Variants in EXOSC10 observed in about 807,000 individuals in gnomAD.
EXOSC10 encodes the protein exosome component 10, also known as exosome complex component 10.
EXOSC10 carries 94 observed loss-of-function variants against 126.6 expected under a neutral mutation model. That is an observed-to-expected ratio of 0.74 (90% CI 0.63 to 0.88). The LOEUF is 0.88. EXOSC10 is among the 40% of genes least tolerant of loss of function. EXOSC10 has a pLI of 0.00. For missense variants in EXOSC10, 1,041 were observed against 1,100.5 expected, an observed-to-expected ratio of 0.95 and a Z score of 0.77; for synonymous variants, 395 against 400.8, an observed-to-expected ratio of 0.99 and a Z score of 0.17.
chr1:11,080,489 T>C lies in EXOSC10; in HGVS notation c.1637+10A>G, dbSNP rs374847359. 90 of 1,612,404 alleles carry C rather than the reference T, an allele frequency of 5.6e-5. No individual in the cohort carries two copies. Among genetic ancestry groups the C allele is most frequent in the Admixed American group, 2.0e-4 (12 of 59,744 alleles). On this transcript the variant is annotated intron_variant, in intron 13 of 24. Transcript: ENST00000376936. ...AAAGTCAGAACATATTAATCAGATTTGAAACTCACTTAGGCAGTTCTTCAG... is the reference window on the plus strand; with the variant it reads ...AAAGTCAGAACATATTAATCAGATTCGAAACTCACTTAGGCAGTTCTTCAG...
intron 9 of EXOSC10, among the ~76,000 whole-genome samples, chr1:11,084,081 T>A (rs1041561134): frequency 6.6e-6 from 1 of 152,234 alleles, no homozygotes; most frequent in Non-Finnish European, 1.5e-5. Flanking sequence ...AGTGCCGCAA[T>A]AAACATATGT....
chr1:11,070,765 A>C, intron 21 of EXOSC10, 135 bp downstream of exon 21: 2 of 742,438 alleles, frequency 2.7e-6, no homozygotes, highest in Non-Finnish European at 4.5e-6. Flanking sequence ...CTAATAGCCA[A>C]GCTAAGGTGA....
chr1:11,066,788 T>A (rs1406069378), intron 24 of EXOSC10, 40 bp from the exon 25 acceptor site: 1 of 1,609,474 alleles, frequency 6.2e-7, no homozygotes, highest in Non-Finnish European at 8.5e-7. Flanking sequence ...TCTTCCGGGC[T>A]GGTTGGATGT....
chr1:11,097,018 C>T lies in EXOSC10; in HGVS notation c.248+1002G>A, dbSNP rs149474723. 7.9e-3 allele frequency among the ~76,000 whole-genome samples: 1,205 copies of T among 152,162 alleles called. 19 individuals carry two copies. Among genetic ancestry groups the T allele is most frequent in the African/African-American group, 0.027 (1,114 of 41,520 alleles). On this transcript the variant is annotated intron_variant, in intron 2 of 24. Transcript: ENST00000376936. ...CACAAGGTCAGGAGTTCGAGACCAG[C>T]CTGGCCAACATGGTGAAACCTCCTC...
intron 9 of EXOSC10, among the ~76,000 whole-genome samples, chr1:11,083,463 G>A (rs1217373209): frequency 1.3e-5 from 2 of 150,594 alleles, no homozygotes; most frequent in Non-Finnish European, 2.9e-5. Flanking sequence ...TTGGGAGGCC[G>A]AGGCAGGAGA....
At chr1:11,074,153 C>T (rs1349291258) in intron 18 of EXOSC10, 78 bp downstream of exon 18, 1 of 1,430,322 alleles carries the variant, frequency 7.0e-7, no homozygotes, top group Non-Finnish European at 9.9e-7. Context: ...GCTTCAGAGG[C>T]TTCCTTCCCA....
chr1:11,069,826 A>C, intron 21 of EXOSC10, 96 bp from the exon 22 acceptor site: 1 of 1,309,630 alleles, frequency 7.6e-7, no homozygotes, highest in South Asian at 1.4e-5. Flanking sequence ...CAGCTGCCTA[A>C]GTGGTAAGAA....
At chr1:11,094,811 G>A (rs1640985018) in intron 3 of EXOSC10, among the ~76,000 whole-genome samples, 1 of 152,018 alleles carries the variant, frequency 6.6e-6, no homozygotes, top group Non-Finnish European at 1.5e-5. Context: ...ATGTTGGCCA[G>A]ACTGGTCTTG....
intron 5 of EXOSC10, 41 bp from the exon 6 acceptor site, chr1:11,090,709 C>A: frequency 7.0e-7 from 1 of 1,422,170 alleles, no homozygotes; most frequent in South Asian, 1.2e-5. Context: ...TTAGCACATT[C>A]ATGTCTTTTC....
intron 3 of EXOSC10, among the ~76,000 whole-genome samples, chr1:11,092,832 C>T (rs1640879720): frequency 1.3e-5 from 2 of 152,136 alleles, no homozygotes; most frequent in African/African-American, 2.4e-5. Context: ...ACCTGTTTTT[C>T]ACTTTCAGAA....
At chr1:11,095,573 G>C in intron 3 of EXOSC10, 185 bp downstream of exon 3, 1 of 451,726 alleles carries the variant, frequency 2.2e-6, no homozygotes, top group African/African-American at 2.0e-5. Flanking sequence ...AATTAGCCAG[G>C]TGTGGTGGCG....
intron 4 of EXOSC10, 74 bp from the exon 5 acceptor site, chr1:11,091,253 C>A: frequency 7.1e-7 from 1 of 1,414,454 alleles, no homozygotes; most frequent in Non-Finnish European, 9.7e-7. Flanking sequence ...CAATTTATGA[C>A]TTCTGAGGAG....
chr1:11,067,315 C>T (rs1170443440), intron 24 of EXOSC10, among the ~76,000 whole-genome samples: 1 of 152,090 alleles, frequency 6.6e-6, no homozygotes, highest in African/African-American at 2.4e-5. Context: ...GCCTGTGGTC[C>T]CAGCTACTCG....
Position 11,099,725 on chromosome 1 carries a change from A to G in EXOSC10, c.107T>C (p.Val36Ala), listed in dbSNP as rs1261682434. Residue 36 changes from valine (V) to alanine (A), a missense_variant, in exon 1 of 25, where the codon GTG becomes GCG. By Grantham distance (64) the Val-to-Ala change is moderately conservative (BLOSUM62 0). Coordinates refer to ENST00000376936, the MANE Select transcript of EXOSC10 (RefSeq NM_001001998.3). ...CCCGAGGCCCCGCGAACTCACCTTC[A>G]CAAAGCTGTCGGCGTCCGGGAAGCC... ...LPGFPDADSF[V>A]KFALGSVVAV... The G allele has an allele frequency of 6.2e-7, 1 of 1,607,692 alleles. No individual in the cohort carries two copies. Among genetic ancestry groups the G allele is most frequent in the Non-Finnish European group, 8.5e-7 (1 of 1,177,304 alleles).
rs755356177 is a variant in EXOSC10, at chr1:11,069,692, G to A, written c.2355C>T (p.Ser785=). ...GTTTCTGTTCTGTGGTCCTTGGGTCGCTTGTTGCTCGCTCTCTCTTCTTTG... is the reference window on the plus strand; with the variant it reads ...GTTTCTGTTCTGTGGTCCTTGGGTCACTTGTTGCTCGCTCTCTCTTCTTTG... ...NAAKKRERAT[S]DPRTTEQKQE... is the part of the protein sequence containing the mutation. Residue 785 remains serine, a synonymous_variant, in exon 22 of 25, where the codon AGC becomes AGT. Coordinates refer to ENST00000376936, the MANE Select transcript of EXOSC10 (RefSeq NM_001001998.3). The A allele has an allele frequency of 4.3e-6, 7 of 1,613,982 alleles. No individual in the cohort carries two copies. The highest frequency in any genetic ancestry group is 3.4e-6 in the Non-Finnish European group (4 of 1,180,004).
intron 23 of EXOSC10, among the ~76,000 whole-genome samples, chr1:11,068,287 T>C (rs1443110003): frequency 6.6e-6 from 1 of 152,150 alleles, no homozygotes; most frequent in Admixed American, 6.5e-5. Flanking sequence ...AAAGCAGCCC[T>C]GCCCCCGCGC....
rs750325040 is a variant in EXOSC10 at position 11,074,196 on chromosome 1, C to T, written c.2082+35G>A. The T allele has an allele frequency of 8.5e-6, 13 of 1,530,558 alleles. No individual in the cohort carries two copies. The African/African-American group carries it at 1.2e-4, about 14-fold the overall frequency. 94.8% of individuals were successfully genotyped at this position (1,530,558 alleles called of 1,614,324 possible). On this transcript the variant is annotated intron_variant, in intron 18 of 24. Coordinates refer to ENST00000376936, the MANE Select transcript of EXOSC10 (RefSeq NM_001001998.3). ...GCATGTACAGCTGTAGGCATCTCTGCATATCCTGTCAGCCCTGACAAAACT... is the reference window on the plus strand; with the variant it reads ...GCATGTACAGCTGTAGGCATCTCTGTATATCCTGTCAGCCCTGACAAAACT...
At chr1:11,088,087 C>T (rs1640600668) in intron 7 of EXOSC10, 36 bp downstream of exon 7, 1 of 1,540,694 alleles carries the variant, frequency 6.5e-7, no homozygotes, top group Non-Finnish European at 8.9e-7. Context: ...TCTTGGGCTA[C>T]TACACGGCAC....
chr1:11,080,704 A>G (rs1239064052), intron 12 of EXOSC10, 60 bp downstream of exon 12: 5 of 1,604,296 alleles, frequency 3.1e-6, no homozygotes, highest in Non-Finnish European at 4.2e-6. Flanking sequence ...CCCATTATTT[A>G]CTTGTTATTA....
Sources: gnomAD v4.1 joint callset for allele counts (sites outside exome capture counted in the v4.1 genomes callset) on GRCh38, gnomAD v4.1.1 for gene constraint, MANE v1.5 for transcripts, NCBI Gene and HGNC (gene_info 2026-07-23, HGNC 2026-07-21) for gene names.